USP46: variants seen among roughly 807,000 people sequenced by gnomAD.
USP46 encodes the protein ubiquitin carboxyl-terminal hydrolase 46.
In USP46, 12 loss-of-function variants were observed where a neutral mutation model predicts 44.4. That is an observed-to-expected ratio of 0.27 (90% CI 0.17 to 0.44). The LOEUF is 0.44. Ranked by LOEUF, USP46 falls within the 20% of genes least tolerant of loss-of-function variation. The pLI is 1.00. For missense variants in USP46, 248 were observed against 444.8 expected, an observed-to-expected ratio of 0.56 and a Z score of 3.98; for synonymous variants, 155 against 161.5, an observed-to-expected ratio of 0.96 and a Z score of 0.31.
chr4:52,652,651 A>G (rs1260690738), intron 1 of USP46, among the ~76,000 whole-genome samples: 1 of 152,250 alleles, frequency 6.6e-6, no homozygotes, highest in African/African-American at 2.4e-5. Context: ...TTAATATTAT[A>G]AAGCATGTTT....
intron 1 of USP46, among the ~76,000 whole-genome samples, chr4:52,650,532 T>C (rs922092384): frequency 6.6e-5 from 10 of 152,192 alleles, no homozygotes; most frequent in Admixed American, 5.2e-4. Flanking sequence ...TAAAAGAGTC[T>C]AAAAAGAGTT....
At chr4:52,639,578 C>G (rs142839709) in intron 1 of USP46, among the ~76,000 whole-genome samples, 1 of 152,204 alleles carries the variant, frequency 6.6e-6, no homozygotes, top group African/African-American at 2.4e-5. Flanking sequence ...TACTTTTGCT[C>G]ACAATCCTGC....
chr4:52,614,929 G>A (rs1479817628), intron 4 of USP46, among the ~76,000 whole-genome samples: 2 of 152,100 alleles, frequency 1.3e-5, no homozygotes, highest in South Asian at 4.1e-4. Context: ...ATGTGAAATA[G>A]TATCATTATT....
intron 1 of USP46, chr4:52,656,148 A>G: frequency 1.4e-6 from 1 of 733,796 alleles, no homozygotes; most frequent in East Asian, 2.7e-5. Flanking sequence ...AAAATATGTT[A>G]AACGATGTGC....
intron 1 of USP46, among the ~76,000 whole-genome samples, chr4:52,635,152 C>T (rs1718063919): frequency 6.6e-6 from 1 of 150,900 alleles, no homozygotes; most frequent in Non-Finnish European, 1.5e-5. Flanking sequence ...AGCCCACCAT[C>T]ACAGCCACAT....
chr4:52,647,789 G>A (rs1300154799), intron 1 of USP46, among the ~76,000 whole-genome samples: 1 of 152,154 alleles, frequency 6.6e-6, no homozygotes, highest in Non-Finnish European at 1.5e-5. Flanking sequence ...TCTTGCCACT[G>A]CTCACCAGCA....
rs1327319824 is a variant in USP46, at chr4:52,591,420, G to A, written c.*6220C>T. On this transcript the variant is annotated 3_prime_UTR_variant, in exon 9 of 9. Coordinates refer to ENST00000441222, the MANE Select transcript of USP46 (RefSeq NM_022832.4). ...TCAGACTGCAGTCTACAACACAAGT[G>A]CCTGAACTCCTTTTCCAAGAAGAGC... 2 of 152,162 alleles carry A rather than the reference G, an allele frequency of 1.3e-5. No homozygotes were observed. The highest frequency in any genetic ancestry group is 4.8e-5 in the African/African-American group (2 of 41,432). The allele number at this position is 152,162 out of a possible 1,614,324, so 9.4% of individuals were successfully genotyped here. A position where few individuals can be genotyped will look rare whatever the true frequency, so the allele number is the denominator to read the frequency against.
intron 5 of USP46, among the ~76,000 whole-genome samples, chr4:52,605,274 G>A (rs950234634): frequency 6.6e-6 from 1 of 152,112 alleles, no homozygotes; most frequent in Admixed American, 6.5e-5. Flanking sequence ...CATTGTGTTT[G>A]TCATATGTGT....
intron 1 of USP46, among the ~76,000 whole-genome samples, chr4:52,631,688 T>G (rs1325274209): frequency 1.3e-5 from 2 of 152,000 alleles, no homozygotes; most frequent in Non-Finnish European, 2.9e-5. Context: ...AAAGGAAAAG[T>G]GTGTTGGAGA....
Position 52,592,793 on chromosome 4 carries a change from C to T in USP46, c.*4847G>A. ...GGCAGAGGTTGCAGTGAGCTGAGAT[C>T]TCATCACTGCACTCCAGCCTGGGTG... On this transcript the variant is annotated 3_prime_UTR_variant, in exon 9 of 9. Transcript: ENST00000441222. 2.5e-6 allele frequency: 1 copy of T among 398,040 alleles called. No individual in the cohort carries two copies. The highest frequency in any genetic ancestry group is 4.4e-6 in the Non-Finnish European group (1 of 226,022). The allele number at this position is 398,040 out of a possible 1,614,324, so 24.7% of individuals were successfully genotyped here. A position where few individuals can be genotyped will look rare whatever the true frequency, so the allele number is the denominator to read the frequency against.
At position 52,632,908 on chromosome 4, in the gene USP46, AAGAAAGAAAG is replaced by A. The variant is rs71660498; in HGVS notation, c.37-1774_37-1765del. 6.0e-4 allele frequency among the ~76,000 whole-genome samples: 72 copies of A among 120,852 alleles called. 3 individuals carry two copies. Among genetic ancestry groups the A allele is most frequent in the African/African-American group, 1.7e-3 (46 of 27,754 alleles). 79.3% of individuals were successfully genotyped at this position (120,852 alleles called of 152,430 possible). A position where few individuals can be genotyped will look rare whatever the true frequency, so the allele number is the denominator to read the frequency against. On this transcript the variant is annotated intron_variant, in intron 1 of 8. Coordinates refer to ENST00000441222, the MANE Select transcript of USP46 (RefSeq NM_022832.4). The stretch of plus-strand genomic sequence containing the variant: ...GAAGGAAGGAAGGAAGGGAAAGAGA[AAGAAAGAAAG>A]AGAAAGAAAGAAAGAAAGAAAGAAA...
rs1716268870 is a variant in USP46, at chr4:52,596,962, C to T, written c.*678G>A. The T allele has an allele frequency of 6.6e-6, 1 of 152,666 alleles. No homozygotes were observed. The highest frequency in any genetic ancestry group is 2.4e-5 in the African/African-American group (1 of 41,438). 9.5% of individuals were successfully genotyped at this position (152,666 alleles called of 1,614,324 possible). ...GTCCACAAAAACTTCCTCCTCTTGACTTTGTCTGCCCTGAGCCTTCTTAGC... is the reference window on the plus strand; with the variant it reads ...GTCCACAAAAACTTCCTCCTCTTGATTTTGTCTGCCCTGAGCCTTCTTAGC... On this transcript the variant is annotated 3_prime_UTR_variant, in exon 9 of 9. Transcript: ENST00000441222.
chr4:52,639,360 G>A (rs1011034202), intron 1 of USP46, among the ~76,000 whole-genome samples: 4 of 152,344 alleles, frequency 2.6e-5, no homozygotes, highest in Middle Eastern at 3.4e-3. Flanking sequence ...AGGATGCAGC[G>A]TGGGCCTGAT....
chr4:52,619,424 C>T (rs1310221738), intron 4 of USP46, among the ~76,000 whole-genome samples: 1 of 152,174 alleles, frequency 6.6e-6, no homozygotes, highest in African/African-American at 2.4e-5. Flanking sequence ...CCCCCAGGGG[C>T]AAATTTGCTG....
At chr4:52,618,068 C>T (rs1488261468) in intron 4 of USP46, among the ~76,000 whole-genome samples, 9 of 152,158 alleles carry the variant, frequency 5.9e-5, no homozygotes, top group Non-Finnish European at 2.9e-5. Flanking sequence ...ATGAGCTTTG[C>T]TAAATTCTTA....
At chr4:52,616,355 CCCTTT>C (rs1717147699) in intron 4 of USP46, among the ~76,000 whole-genome samples, 2 of 151,864 alleles carry the variant, frequency 1.3e-5, no homozygotes, top group South Asian at 2.1e-4. Context: ...CCCTTCCCTT[CCCTTT>C]TCCTTCCTTC....
rs545139586 is a variant in USP46, at chr4:52,647,564, A to C, written c.36+11551T>G. ...GTATAAGCTCATTCAAAGACAACATATCTTTTACTACAGAATGTGCTCTCA... is the reference window on the plus strand; with the variant it reads ...GTATAAGCTCATTCAAAGACAACATCTCTTTTACTACAGAATGTGCTCTCA... On this transcript the variant is annotated intron_variant, in intron 1 of 8. Transcript: ENST00000441222. Among the ~76,000 whole-genome samples the C allele has an allele frequency of 2.6e-5, 4 of 152,362 alleles. No individual in the cohort carries two copies. In the East Asian group the frequency reaches 7.7e-4, roughly 29 times the overall value.
intron 1 of USP46, among the ~76,000 whole-genome samples, chr4:52,642,518 A>G (rs1297304984): frequency 1.3e-5 from 2 of 152,222 alleles, no homozygotes; most frequent in Non-Finnish European, 2.9e-5. Flanking sequence ...AGAACTGAAG[A>G]AACCGAAGAG....
At chr4:52,646,966 T>C (rs914117717) in intron 1 of USP46, among the ~76,000 whole-genome samples, 3 of 152,188 alleles carry the variant, frequency 2.0e-5, no homozygotes, top group African/African-American at 7.2e-5. Context: ...CAGTTACAAA[T>C]GCAAATCCAT....
Sources: gnomAD v4.1 joint callset for allele counts (sites outside exome capture counted in the v4.1 genomes callset) on GRCh38, gnomAD v4.1.1 for gene constraint, MANE v1.5 for transcripts, NCBI Gene and HGNC (gene_info 2026-07-23, HGNC 2026-07-21) for gene names.